CACNA2D3: variants seen among roughly 807,000 people sequenced by gnomAD.
CACNA2D3 encodes calcium voltage-gated channel auxiliary subunit alpha2delta 3.
CACNA2D3 carries 60 observed loss-of-function variants against 160.6 expected under a neutral mutation model. The observed-to-expected ratio is 0.37, with a 90% CI of 0.30 to 0.46. CACNA2D3 has a LOEUF of 0.46. Ranked by LOEUF, CACNA2D3 falls within the 20% of genes least tolerant of loss-of-function variation. The probability of loss-of-function intolerance (pLI) is 1.00; values close to 1 mark genes in which losing one functional copy is unlikely to be tolerated. For missense variants in CACNA2D3, 1,205 were observed against 1,365.0 expected, an observed-to-expected ratio of 0.88 and a Z score of 1.85; for synonymous variants, 558 against 492.9, an observed-to-expected ratio of 1.13 and a Z score of -1.75.
At chr3:54,805,774 C>T (rs1380127390) in intron 13 of CACNA2D3, among the ~76,000 whole-genome samples, 1 of 152,202 alleles carries the variant, frequency 6.6e-6, no homozygotes, top group Non-Finnish European at 1.5e-5. Context: ...GACCAATATC[C>T]TTGATGAACA....
intron 5 of CACNA2D3, among the ~76,000 whole-genome samples, chr3:54,541,988 T>G (rs1208390715): frequency 6.6e-6 from 1 of 151,782 alleles, no homozygotes; most frequent in African/African-American, 2.4e-5. Flanking sequence ...GTTTGAAATG[T>G]GTATTAGTCA....
intron 35 of CACNA2D3, among the ~76,000 whole-genome samples, chr3:55,052,755 A>G (rs1704258426): frequency 6.6e-6 from 1 of 152,132 alleles, no homozygotes; most frequent in Admixed American, 6.5e-5. Flanking sequence ...TTACACTTGT[A>G]GTATTCCTTG....
In CACNA2D3 at chr3:54,984,041, T is replaced by C. The variant is rs1450952013; in HGVS notation, c.2557-567T>C. Among the ~76,000 whole-genome samples the C allele has an allele frequency of 2.0e-5, 3 of 152,168 alleles. No homozygotes were observed. In the East Asian group the frequency reaches 5.8e-4, roughly 29 times the overall value. On this transcript the variant is annotated intron_variant, in intron 29 of 37. Coordinates refer to ENST00000474759, the MANE Select transcript of CACNA2D3 (RefSeq NM_018398.3). Reference sequence around the variant, plus strand: ...CCAGCTCCCAATTAAAAACACAGTTTGAAAACCTTTAGGAGGCCTGAGGGG... The same window carrying C: ...CCAGCTCCCAATTAAAAACACAGTTCGAAAACCTTTAGGAGGCCTGAGGGG...
intron 27 of CACNA2D3, among the ~76,000 whole-genome samples, chr3:54,965,704 C>G (rs1450006583): frequency 6.6e-6 from 1 of 152,124 alleles, no homozygotes; most frequent in Non-Finnish European, 1.5e-5. Flanking sequence ...CTGCAAACCC[C>G]AGATATGCCA....
intron 11 of CACNA2D3, among the ~76,000 whole-genome samples, chr3:54,662,462 G>T (rs141244553): frequency 2.0e-5 from 3 of 152,190 alleles, no homozygotes; most frequent in African/African-American, 7.2e-5. Context: ...GGCACCAAGT[G>T]CCTGACTTTG....
At chr3:54,917,739 T>G (rs1700697537) in intron 27 of CACNA2D3, among the ~76,000 whole-genome samples, 1 of 152,196 alleles carries the variant, frequency 6.6e-6, no homozygotes, top group South Asian at 2.1e-4. Context: ...CCATCCTCTT[T>G]GTGTTTGTTT....
intron 13 of CACNA2D3, among the ~76,000 whole-genome samples, chr3:54,797,661 T>C (rs185909403): frequency 1.3e-5 from 2 of 152,320 alleles, no homozygotes; most frequent in Admixed American, 1.3e-4. Context: ...GATAAAAATA[T>C]TTAAAGCACC....
At chr3:55,051,669 C>G (rs535756333) in intron 35 of CACNA2D3, among the ~76,000 whole-genome samples, 23 of 152,300 alleles carry the variant, frequency 1.5e-4, no homozygotes, top group Admixed American at 6.5e-4. Context: ...TTTACCTAAG[C>G]AAGCCTGGGC....
intron 4 of CACNA2D3, among the ~76,000 whole-genome samples, chr3:54,485,453 G>A (rs1420557856): frequency 1.3e-5 from 2 of 152,070 alleles, no homozygotes. Context: ...TCAACTTATG[G>A]TTCTTGAGTG....
chr3:54,669,739 A>T (rs946323179), intron 11 of CACNA2D3, among the ~76,000 whole-genome samples: 2 of 135,394 alleles, frequency 1.5e-5, no homozygotes, highest in Admixed American at 7.5e-5. Flanking sequence ...GGGGCTCTTT[A>T]AAAAAAAAAA....
intron 11 of CACNA2D3, among the ~76,000 whole-genome samples, chr3:54,681,382 C>CACAA (rs1700346703): frequency 1.6e-5 from 1 of 62,096 alleles, no homozygotes; most frequent in African/African-American, 8.1e-5. Flanking sequence ...ACTAAAAATA[C>CACAA]AAAAAAAAAA....
At chr3:54,570,245 C>T (rs1575351867) in intron 8 of CACNA2D3, 141 bp downstream of exon 8, 5 of 904,196 alleles carry the variant, frequency 5.5e-6, no homozygotes, top group Middle Eastern at 3.5e-4. Flanking sequence ...TGAAAGTTGA[C>T]AGAGTCATGG....
chr3:55,049,805 T>C (rs1381030626), intron 35 of CACNA2D3, among the ~76,000 whole-genome samples: 17 of 150,682 alleles, frequency 1.1e-4, no homozygotes, highest in Non-Finnish European at 2.4e-4. Flanking sequence ...GGTGCATATA[T>C]ATTTAGGATA....
Position 54,871,531 on chromosome 3 carries a change from C to T in CACNA2D3, c.1627-8C>T. 1 of 1,605,344 alleles carries T rather than the reference C, an allele frequency of 6.2e-7. No homozygotes were observed. The highest frequency in any genetic ancestry group is 8.5e-7 in the Non-Finnish European group (1 of 1,172,328). ...TTTTTCTTTTCTTTTTCTTCTTCCCCTTGCTAGTACGAAGAAGGAAAAAAG... is the reference window on the plus strand; with the variant it reads ...TTTTTCTTTTCTTTTTCTTCTTCCCTTTGCTAGTACGAAGAAGGAAAAAAG... On this transcript the variant is annotated splice_polypyrimidine_tract_variant and splice_region_variant and intron_variant, in intron 17 of 37. Transcript: ENST00000474759.
At chr3:54,460,362 G>T (rs910124178) in intron 4 of CACNA2D3, among the ~76,000 whole-genome samples, 11 of 152,134 alleles carry the variant, frequency 7.2e-5, no homozygotes, top group African/African-American at 2.7e-4. Context: ...AAGTTACCTT[G>T]GGCAGTATGG....
chr3:54,996,178 G>GC (rs1406044687), intron 31 of CACNA2D3, among the ~76,000 whole-genome samples: 1 of 152,218 alleles, frequency 6.6e-6, no homozygotes, highest in African/African-American at 2.4e-5. Context: ...ATGAAATATG[G>GC]ACCTGGCTTC....
intron 5 of CACNA2D3, among the ~76,000 whole-genome samples, chr3:54,542,129 TCGGCTCGCTGCAACCTC>T (rs1701990901): frequency 6.6e-6 from 1 of 152,056 alleles, no homozygotes; most frequent in Non-Finnish European, 1.5e-5. Flanking sequence ...TGGCGTGATC[TCGGCTCGCTGCAACCTC>T]CGACTCCCTG....
intron 4 of CACNA2D3, among the ~76,000 whole-genome samples, chr3:54,460,038 C>G (rs1411690432): frequency 6.6e-6 from 1 of 151,944 alleles, no homozygotes; most frequent in East Asian, 1.9e-4. Flanking sequence ...GGAATCCTTT[C>G]CCCATTGCTT....
intron 5 of CACNA2D3, among the ~76,000 whole-genome samples, chr3:54,520,662 G>A (rs977710993): frequency 6.6e-6 from 1 of 152,166 alleles, no homozygotes; most frequent in African/African-American, 2.4e-5. Flanking sequence ...CAATTCAGTG[G>A]TTTTAGTGTA....
Sources: allele counts gnomAD v4.1 joint callset (sites outside exome capture counted in the v4.1 genomes callset), GRCh38; gene constraint gnomAD v4.1.1; transcripts MANE v1.5; gene names NCBI Gene and HGNC (gene_info 2026-07-23, HGNC 2026-07-21).